CHD9: variants seen among roughly 807,000 people sequenced by gnomAD.
The protein encoded by CHD9 is chromodomain helicase DNA binding protein 9.
CHD9 carries 77 observed loss-of-function variants against 316.1 expected under a neutral mutation model. The observed-to-expected ratio is 0.24, with a 90% CI of 0.20 to 0.29. The LOEUF (loss-of-function observed/expected upper bound fraction) is 0.29, where lower values mean the gene tolerates loss of function less well. Ranked by LOEUF, CHD9 falls within the 10% of genes least tolerant of loss-of-function variation. CHD9 has a pLI of 1.00. For missense variants in CHD9, 2,763 were observed against 3,438.1 expected, an observed-to-expected ratio of 0.80 and a Z score of 4.91; for synonymous variants, 1,129 against 1,158.3, an observed-to-expected ratio of 0.97 and a Z score of 0.51.
At chr16:53,220,747 C>T (rs1047688625) in intron 3 of CHD9, among the ~76,000 whole-genome samples, 2 of 152,206 alleles carry the variant, frequency 1.3e-5, no homozygotes, top group African/African-American at 4.8e-5. Context: ...ACAAGGCCTT[C>T]TGTGATCTTC....
intron 19 of CHD9, among the ~76,000 whole-genome samples, chr16:53,261,106 A>G (rs1396143106): frequency 6.6e-6 from 1 of 151,846 alleles, no homozygotes; most frequent in South Asian, 2.1e-4. Context: ...AAAAAAAAAA[A>G]AAAGGGAATT....
intron 2 of CHD9, among the ~76,000 whole-genome samples, chr16:53,177,577 A>G (rs1467532540): frequency 6.6e-6 from 1 of 152,214 alleles, no homozygotes; most frequent in Non-Finnish European, 1.5e-5. Context: ...TTTTAGTGGC[A>G]TAATCCAAAG....
chr16:53,100,120 G>A (rs1035507394), intron 1 of CHD9, among the ~76,000 whole-genome samples: 3 of 152,228 alleles, frequency 2.0e-5, no homozygotes, highest in Non-Finnish European at 2.9e-5. Flanking sequence ...GCAGCCCACG[G>A]GGAGAGGTGA....
At chr16:53,306,121 G>A (rs1283530208) in intron 31 of CHD9, 116 bp from the exon 32 acceptor site, 1 of 562,308 alleles carries the variant, frequency 1.8e-6, no homozygotes, top group Non-Finnish European at 2.8e-6. Context: ...TTTATCATTT[G>A]TTTTTACTTC....
intron 3 of CHD9, among the ~76,000 whole-genome samples, chr16:53,212,586 C>A (rs1174553922): frequency 6.6e-6 from 1 of 152,108 alleles, no homozygotes. Flanking sequence ...TTTTCGTTGT[C>A]ACTTTTACAG....
chr16:53,113,460 A>C (rs956892547), intron 1 of CHD9, among the ~76,000 whole-genome samples: 49 of 148,630 alleles, frequency 3.3e-4, no homozygotes, highest in African/African-American at 1.2e-3. Context: ...CCACAGGTAC[A>C]TGCTACCACG....
At chr16:53,226,537 G>A (rs373004025) in intron 5 of CHD9, 25 bp downstream of exon 5, 277 of 1,581,810 alleles carry the variant, frequency 1.8e-4, no homozygotes, top group Non-Finnish European at 2.2e-4. Context: ...GATTATGACT[G>A]CAAAACATTT....
At chr16:53,209,873 C>T in intron 3 of CHD9, 60 bp downstream of exon 3, 1 of 1,176,104 alleles carries the variant, frequency 8.5e-7, no homozygotes, top group Non-Finnish European at 1.2e-6. Flanking sequence ...TTCAAACTGT[C>T]CAACCATCTA....
At chr16:53,259,966 GAT>G (rs2050941102) in intron 19 of CHD9, among the ~76,000 whole-genome samples, 1 of 152,118 alleles carries the variant, frequency 6.6e-6, no homozygotes, top group Non-Finnish European at 1.5e-5. Flanking sequence ...CCTGAAAATT[GAT>G]ATGTTTATAA....
In CHD9 at chr16:53,286,254, A is replaced by C; in HGVS notation, c.5100A>C (p.Ala1700=). ...ATGAAAAATATAACACTATTCGAGC[A>C]GACCCAGCATTATGCTTCTTGGAAA... ...HGYEKYNTIR[A]DPALCFLERV... The change falls in exon 26 of 39, where the codon GCA becomes GCC. Residue 1700 remains alanine (A), a synonymous_variant. Coordinates refer to ENST00000447540, the MANE Select transcript of CHD9 (RefSeq NM_001308319.2). The C allele has an allele frequency of 6.2e-7, 1 of 1,611,772 alleles. No homozygotes were observed. The highest frequency in any genetic ancestry group is 8.5e-7 in the Non-Finnish European group (1 of 1,177,958).
At chr16:53,093,097 T>G (rs1361062240) in intron 1 of CHD9, among the ~76,000 whole-genome samples, 1 of 152,208 alleles carries the variant, frequency 6.6e-6, no homozygotes, top group Non-Finnish European at 1.5e-5. Flanking sequence ...ACTTTAATAT[T>G]GGATTCTTGA....
At chr16:53,255,031 G>T (rs1277677563) in intron 18 of CHD9, among the ~76,000 whole-genome samples, 1 of 151,982 alleles carries the variant, frequency 6.6e-6, no homozygotes, top group Non-Finnish European at 1.5e-5. Flanking sequence ...CTAGTACTGG[G>T]CTGGGCACAT....
At chr16:53,166,624 A>G (rs530768700) in intron 2 of CHD9, among the ~76,000 whole-genome samples, 37 of 152,310 alleles carry the variant, frequency 2.4e-4, no homozygotes, top group Admixed American at 4.6e-4. Context: ...ATACTTAAGT[A>G]TGAATGACAA....
At chr16:53,090,257 A>T (rs889309577) in intron 1 of CHD9, among the ~76,000 whole-genome samples, 7 of 152,210 alleles carry the variant, frequency 4.6e-5, no homozygotes, top group Admixed American at 2.6e-4. Context: ...TGGAGGTTGC[A>T]GCTGAGTGTG....
intron 24 of CHD9, among the ~76,000 whole-genome samples, chr16:53,276,504 T>C (rs770892240): frequency 6.6e-6 from 1 of 152,198 alleles, no homozygotes; most frequent in African/African-American, 2.4e-5. Context: ...ACATATTTCA[T>C]GGACAAAAGT....
intron 1 of CHD9, among the ~76,000 whole-genome samples, chr16:53,057,011 T>TA (rs1352519404): frequency 2.0e-5 from 3 of 151,986 alleles, no homozygotes; most frequent in Non-Finnish European, 2.9e-5. Context: ...GAATAATTCT[T>TA]AAAAAAAATT....
intron 2 of CHD9, among the ~76,000 whole-genome samples, chr16:53,203,435 GT>G (rs1284699311): frequency 6.6e-6 from 1 of 152,004 alleles, no homozygotes; most frequent in African/African-American, 2.4e-5. Context: ...GGAACTTGTT[GT>G]TTTTGGGTTT....
At chr16:53,297,402 T>C (rs1033820899) in intron 30 of CHD9, among the ~76,000 whole-genome samples, 1 of 152,190 alleles carries the variant, frequency 6.6e-6, no homozygotes, top group African/African-American at 2.4e-5. Flanking sequence ...TAGAGTTTAG[T>C]GATAGATTTA....
In CHD9 at chr16:53,227,470, T is replaced by A; in HGVS notation, c.2112+6T>A. 1 of 1,534,616 alleles carries A rather than the reference T, an allele frequency of 6.5e-7. No homozygotes were observed. The stretch of plus-strand genomic sequence containing the variant: ...CTAGAACCGTAAAAAAGGAAGTAAG[T>A]ACTGGTACATTACATTTTACACTTC... On this transcript the variant is annotated splice_donor_region_variant and intron_variant, in intron 6 of 38. Coordinates refer to ENST00000447540, the MANE Select transcript of CHD9 (RefSeq NM_001308319.2).
Sources: allele counts gnomAD v4.1 joint callset (sites outside exome capture counted in the v4.1 genomes callset), GRCh38; gene constraint gnomAD v4.1.1; transcripts MANE v1.5; gene names NCBI Gene and HGNC (gene_info 2026-07-23, HGNC 2026-07-21).